PRDM5: variants seen among roughly 807,000 people sequenced by gnomAD.
PRDM5 encodes the protein PR domain zinc finger protein 5.
A neutral mutation model predicts 81.2 loss-of-function variants in PRDM5; 56 were observed. The observed-to-expected ratio is 0.69, with a 90% CI of 0.56 to 0.86. The LOEUF is 0.86. Among genes scored for constraint, PRDM5 ranks in the 40% least tolerant of loss-of-function variants. PRDM5 has a pLI of 0.00. For missense variants in PRDM5, 697 were observed against 770.1 expected (o/e 0.91, Z 1.12); for synonymous variants, 267 against 256.4 (o/e 1.04, Z -0.39).
At chr4:120,907,178 T>C (rs1765899846) in intron 2 of PRDM5, among the ~76,000 whole-genome samples, 3 of 151,680 alleles carry the variant, frequency 2.0e-5, no homozygotes, top group Non-Finnish European at 4.4e-5. Context: ...CAACTAAAAA[T>C]ACAAAATTAG....
chr4:120,798,557 C>T lies in PRDM5; in HGVS notation c.1031-133G>A, dbSNP rs553668109. The T allele has an allele frequency of 4.1e-6, 3 of 726,348 alleles. No individual in the cohort carries two copies. The African/African-American group carries it at 5.3e-5, about 13-fold the overall frequency. The allele number at this position is 726,348 out of a possible 1,614,324, so 45.0% of individuals were successfully genotyped here. Reference sequence around the variant, plus strand: ...TGGTCAAACAACTAAAAAACATCTACCATCCACATAATAGACACATAAATG... The same window carrying T: ...TGGTCAAACAACTAAAAAACATCTATCATCCACATAATAGACACATAAATG... On this transcript the variant is annotated intron_variant, in intron 9 of 15. Coordinates refer to ENST00000264808, the MANE Select transcript of PRDM5 (RefSeq NM_018699.4).
intron 14 of PRDM5, among the ~76,000 whole-genome samples, chr4:120,740,188 G>C (rs1212545208): frequency 6.6e-6 from 1 of 152,162 alleles, no homozygotes. Flanking sequence ...AACAATAAAA[G>C]ATTCACTAAT....
chr4:120,798,476 T>C, intron 9 of PRDM5, 52 bp from the exon 10 acceptor site: 1 of 1,514,250 alleles, frequency 6.6e-7, no homozygotes, highest in Non-Finnish European at 9.1e-7. Flanking sequence ...AGGTAAAGGA[T>C]AAAAGAGAAA....
rs757623680 is a variant in PRDM5, at chr4:120,710,403, T to A, written c.1634A>T (p.Tyr545Phe). The change falls in exon 15 of 16, where the codon TAC (tyrosine) becomes TTC (phenylalanine). Residue 545 changes from tyrosine to phenylalanine, a missense_variant. By Grantham distance (22) the Tyr-to-Phe change is conservative (BLOSUM62 3). Transcript: ENST00000264808. ...HIRTHTREKP[Y>F]KCSECSKAFS... Reference sequence around the variant, plus strand: ...GGCCTTGCTGCACTCTGAGCACTTGTACGGCTTCTCCTGCAGTCAACAAAA... The same window carrying A: ...GGCCTTGCTGCACTCTGAGCACTTGAACGGCTTCTCCTGCAGTCAACAAAA... The A allele has an allele frequency of 1.4e-5, 22 of 1,613,956 alleles. No individual in the cohort carries two copies. The highest frequency in any genetic ancestry group is 1.6e-5 in the Non-Finnish European group (19 of 1,180,006).
At chr4:120,726,239 G>A (rs549696037) in intron 14 of PRDM5, among the ~76,000 whole-genome samples, 49 of 152,288 alleles carry the variant, frequency 3.2e-4, no homozygotes, top group African/African-American at 1.1e-3. Flanking sequence ...AAGCTGTCTA[G>A]GTTACTAAGA....
At chr4:120,769,022 A>T (rs1470698252) in intron 13 of PRDM5, among the ~76,000 whole-genome samples, 1 of 152,184 alleles carries the variant, frequency 6.6e-6, no homozygotes, top group Non-Finnish European at 1.5e-5. Flanking sequence ...TAATGCCAGC[A>T]CTTCTCAAAG....
chr4:120,741,183 G>A (rs1741880909), intron 14 of PRDM5, among the ~76,000 whole-genome samples: 1 of 152,028 alleles, frequency 6.6e-6, no homozygotes, highest in South Asian at 2.1e-4. Flanking sequence ...ACCCTTAAAA[G>A]ACTCCTTTCT....
In PRDM5 at chr4:120,719,237, C is replaced by T. The variant is rs548971286; in HGVS notation, c.1624-8824G>A. ...AATATCTCCCGACATTGCCAAACGT[C>T]CCCTGGGGGGCAAACCACAGAAACA... On this transcript the variant is annotated intron_variant, in intron 14 of 15. Transcript: ENST00000264808. Among the ~76,000 whole-genome samples, 5 of 152,360 alleles carry T rather than the reference C, an allele frequency of 3.3e-5. No individual in the cohort carries two copies. The South Asian group carries it at 1.0e-3, about 32-fold the overall frequency.
chr4:120,723,964 G>C (rs951202090), intron 14 of PRDM5, among the ~76,000 whole-genome samples: 1 of 119,232 alleles, frequency 8.4e-6, no homozygotes, highest in Non-Finnish European at 1.7e-5. Context: ...ATGTTGCTGG[G>C]AGTTTCCTTT....
intron 14 of PRDM5, among the ~76,000 whole-genome samples, chr4:120,741,860 C>T (rs1323829530): frequency 1.3e-5 from 2 of 152,152 alleles, no homozygotes; most frequent in Non-Finnish European, 2.9e-5. Context: ...GAGGGGTGCC[C>T]ACCATTGCCC....
At chr4:120,783,536 A>G (rs531551297) in intron 11 of PRDM5, among the ~76,000 whole-genome samples, 78 of 152,242 alleles carry the variant, frequency 5.1e-4, no homozygotes, top group Non-Finnish European at 1.1e-3. Context: ...TTTCCCAAGC[A>G]TCAAGTCAAA....
chr4:120,744,468 TTCAAAAAATTAATGAATCCAGGA>T lies in PRDM5; in HGVS notation c.1623+10062_1623+10084del, dbSNP rs1372464774. On this transcript the variant is annotated intron_variant, in intron 14 of 15. Coordinates refer to ENST00000264808, the MANE Select transcript of PRDM5 (RefSeq NM_018699.4). ...AAGGAAATAGAGACACAAAAAACCCTTCAAAAAATTAATGAATCCAGGAGCTGGTTTTTTGAAAGGATCAACAA... is the reference window on the plus strand; with the variant it reads ...AAGGAAATAGAGACACAAAAAACCCTGCTGGTTTTTTGAAAGGATCAACAA... 7.8e-4 allele frequency among the ~76,000 whole-genome samples: 119 copies of T among 151,900 alleles called. 2 individuals carry two copies. Among genetic ancestry groups the T allele is most frequent in the African/African-American group, 2.8e-3 (116 of 41,360 alleles).
intron 13 of PRDM5, among the ~76,000 whole-genome samples, chr4:120,764,530 T>C (rs1004914888): frequency 8.5e-5 from 13 of 152,082 alleles, no homozygotes; most frequent in African/African-American, 2.9e-4. Context: ...TCTCTTAAGT[T>C]GTTAGATATA....
intron 10 of PRDM5, among the ~76,000 whole-genome samples, chr4:120,792,205 C>T (rs570292643): frequency 2.2e-4 from 34 of 152,124 alleles, no homozygotes; most frequent in African/African-American, 7.9e-4. Context: ...GGATCATTGG[C>T]CTTCATATAT....
At chr4:120,729,615 A>G (rs1452181508) in intron 14 of PRDM5, among the ~76,000 whole-genome samples, 4 of 152,178 alleles carry the variant, frequency 2.6e-5, no homozygotes, top group Admixed American at 6.5e-5. Context: ...TGCTGTTTTG[A>G]TTTCCTACGA....
chr4:120,834,383 C>T (rs568372735), intron 3 of PRDM5, among the ~76,000 whole-genome samples: 1 of 152,262 alleles, frequency 6.6e-6, no homozygotes, highest in Admixed American at 6.5e-5. Context: ...AGCTCCCTTA[C>T]TTTCTTGCCC....
chr4:120,849,609 A>C (rs752622917), intron 3 of PRDM5, among the ~76,000 whole-genome samples: 16 of 152,156 alleles, frequency 1.1e-4, no homozygotes, highest in Non-Finnish European at 1.9e-4. Flanking sequence ...GCCTGAAAAT[A>C]TGGGCTTAAG....
At chr4:120,846,094 AC>A (rs1441975387) in intron 3 of PRDM5, among the ~76,000 whole-genome samples, 1 of 152,210 alleles carries the variant, frequency 6.6e-6, no homozygotes, top group African/African-American at 2.4e-5. Context: ...TTACAGATGA[AC>A]AAAGAAAGTA....
chr4:120,914,857 T>C (rs962203546), intron 1 of PRDM5, among the ~76,000 whole-genome samples: 1 of 152,196 alleles, frequency 6.6e-6, no homozygotes, highest in Non-Finnish European at 1.5e-5. Context: ...TGGCAGCGGC[T>C]TGGATCTAGC....
Sources: gnomAD v4.1 joint callset for allele counts (sites outside exome capture counted in the v4.1 genomes callset) on GRCh38, gnomAD v4.1.1 for gene constraint, MANE v1.5 for transcripts, NCBI Gene and HGNC (gene_info 2026-07-23, HGNC 2026-07-21) for gene names.